Variants in SRSF12 observed in about 807,000 individuals in gnomAD.
SRSF12 encodes serine/arginine-rich splicing factor 12.
SRSF12 carries 21 observed loss-of-function variants against 34.1 expected under a neutral mutation model. The ratio of observed to expected loss-of-function variants is 0.62; its 90% confidence interval spans 0.44 to 0.89. The LOEUF is 0.89. SRSF12 is among the 40% of genes least tolerant of loss of function. The pLI is 0.00. For missense variants in SRSF12, 278 were observed against 327.8 expected, an observed-to-expected ratio of 0.85 and a Z score of 1.17; for synonymous variants, 111 against 110.8, an observed-to-expected ratio of 1.00 and a Z score of -0.01.
At chr6:89,106,456 A>G (rs1768791860) in intron 2 of SRSF12, among the ~76,000 whole-genome samples, 2 of 152,244 alleles carry the variant, frequency 1.3e-5, no homozygotes, top group African/African-American at 4.8e-5. Context: ...TATAAAAGAA[A>G]CATAAAAGCA....
chr6:89,115,647 T>TTTTTTTTTTTTC, intron 1 of SRSF12, among the ~76,000 whole-genome samples: 1 of 129,038 alleles, frequency 7.7e-6, no homozygotes, highest in South Asian at 2.5e-4. Flanking sequence ...TTTTTTTTTT[T>TTTTTTTTTTTTC]TTTTTTGAGA....
chr6:89,102,942 T>C lies in SRSF12; in HGVS notation c.416+2177A>G, dbSNP rs183356840. ...CACACGTGGCTAATTTTTTTTAGTT[T>C]TTGTAGACATGGGGGTCTCACTATG... is the stretch of plus-strand genomic sequence containing the variant. On this transcript the variant is annotated intron_variant, in intron 4 of 4. Coordinates refer to ENST00000452027, the MANE Select transcript of SRSF12 (RefSeq NM_080743.5). Among the ~76,000 whole-genome samples the C allele has an allele frequency of 1.1e-3, 171 of 152,232 alleles. 1 individual carries two copies. The highest frequency in any genetic ancestry group is 3.9e-3 in the African/African-American group (161 of 41,530).
intron 1 of SRSF12, among the ~76,000 whole-genome samples, chr6:89,111,770 T>C (rs183321705): frequency 7.2e-5 from 11 of 152,368 alleles, no homozygotes; most frequent in Admixed American, 3.9e-4. Context: ...ATGTTTTTTA[T>C]AGCTGACATT....
chr6:89,113,784 A>T (rs1769165504), intron 1 of SRSF12, among the ~76,000 whole-genome samples: 1 of 152,112 alleles, frequency 6.6e-6, no homozygotes, highest in South Asian at 2.1e-4. Flanking sequence ...GCTGAACTAC[A>T]GGTGCGCACT....
chr6:89,101,593 G>A (rs1028397331), intron 4 of SRSF12, among the ~76,000 whole-genome samples: 2 of 152,016 alleles, frequency 1.3e-5, no homozygotes, highest in Non-Finnish European at 2.9e-5. Context: ...GTGGTGGCGG[G>A]AGGCTGAGGC....
intron 4 of SRSF12, among the ~76,000 whole-genome samples, chr6:89,101,372 G>T (rs953222064): frequency 6.6e-6 from 1 of 152,138 alleles, no homozygotes. Context: ...CATAGGCAAA[G>T]AAAACTACAC....
intron 1 of SRSF12, among the ~76,000 whole-genome samples, chr6:89,115,697 C>G (rs1446356066): frequency 2.1e-5 from 3 of 145,216 alleles, no homozygotes; most frequent in African/African-American, 7.9e-5. Flanking sequence ...AGTGCAGTGG[C>G]GCGATGTTGG....
chr6:89,109,858 G>A (rs1192062499), intron 1 of SRSF12, among the ~76,000 whole-genome samples: 5 of 152,304 alleles, frequency 3.3e-5, no homozygotes, highest in South Asian at 4.1e-4. Context: ...TTGGGAGGCC[G>A]AGGTGGGCGG....
intron 4 of SRSF12, among the ~76,000 whole-genome samples, chr6:89,103,432 G>GATT (rs1768627417): frequency 1.3e-5 from 2 of 151,824 alleles, no homozygotes. Flanking sequence ...AGGTTCAAGC[G>GATT]ATTCTCCTGC....
intron 1 of SRSF12, among the ~76,000 whole-genome samples, chr6:89,111,860 A>C (rs1008564383): frequency 6.6e-6 from 1 of 152,272 alleles, no homozygotes; most frequent in East Asian, 1.9e-4. Flanking sequence ...ACAGGGTCTC[A>C]GGTCTCACTC....
In SRSF12 at chr6:89,097,754, G is replaced by C. The variant is rs910628101; in HGVS notation, c.*824C>G. On this transcript the variant is annotated 3_prime_UTR_variant, in exon 5 of 5. Coordinates refer to ENST00000452027, the MANE Select transcript of SRSF12 (RefSeq NM_080743.5). ...TCTAAAAAGAAAAAATTAAGCAACA[G>C]ATGAAAAGTAGGTATGTGGAAATAA... The C allele has an allele frequency of 1.6e-4, 24 of 152,146 alleles. No homozygotes were observed. The highest frequency in any genetic ancestry group is 5.8e-4 in the African/African-American group (24 of 41,438). 9.4% of individuals were successfully genotyped at this position (152,146 alleles called of 1,614,324 possible).
intron 4 of SRSF12, among the ~76,000 whole-genome samples, chr6:89,104,458 G>A (rs370326441): frequency 6.6e-6 from 1 of 151,382 alleles, no homozygotes; most frequent in African/African-American, 2.4e-5. Flanking sequence ...GTTTGGTCTT[G>A]AACTCCTGAC....
chr6:89,112,158 C>T (rs569765790), intron 1 of SRSF12, among the ~76,000 whole-genome samples: 65 of 152,144 alleles, frequency 4.3e-4, no homozygotes, highest in African/African-American at 1.4e-3. Context: ...TCAGGTGAAC[C>T]GCCCGCCTCG....
Position 89,096,830 on chromosome 6 carries a change from T to C in SRSF12, c.*1748A>G, listed in dbSNP as rs1768298607. 1 of 152,234 alleles carries C rather than the reference T, an allele frequency of 6.6e-6. No homozygotes were observed. The highest frequency in any genetic ancestry group is 6.5e-5 in the Admixed American group (1 of 15,284). 9.4% of individuals were successfully genotyped at this position (152,234 alleles called of 1,614,324 possible). A position where few individuals can be genotyped will look rare whatever the true frequency, so the allele number is the denominator to read the frequency against. ...TTTAAAATGATTTCACTTATGTGTA[T>C]GAACCCAAACATTCTGAAAATACTA... On this transcript the variant is annotated 3_prime_UTR_variant, in exon 5 of 5. Transcript: ENST00000452027.
At chr6:89,100,687 AGATC>A (rs1336189012) in intron 4 of SRSF12, among the ~76,000 whole-genome samples, 1 of 152,232 alleles carries the variant, frequency 6.6e-6, no homozygotes, top group African/African-American at 2.4e-5. Context: ...ACAGATAAAA[AGATC>A]GTTCAGTGGA....
intron 4 of SRSF12, among the ~76,000 whole-genome samples, chr6:89,099,274 A>T (rs1451761415): frequency 2.6e-5 from 4 of 151,896 alleles, no homozygotes; most frequent in African/African-American, 4.8e-5. Context: ...TAAAAAAATC[A>T]ATTATTTACA....
chr6:89,108,151 C>A (rs552837298), intron 1 of SRSF12, among the ~76,000 whole-genome samples: 2 of 152,206 alleles, frequency 1.3e-5, no homozygotes, highest in Admixed American at 6.5e-5. Flanking sequence ...CCTTCTAGTG[C>A]GATTAGGTGC....
Position 89,098,486 on chromosome 6 carries a change from C to A in SRSF12, c.*92G>T. On this transcript the variant is annotated 3_prime_UTR_variant, in exon 5 of 5. Transcript: ENST00000452027. ...GCCCAAAGTAACTAATATCAACTCG[C>A]ATTTTCTGTATGCCTTAAAGAATTT... 6.9e-7 allele frequency: 1 copy of A among 1,443,026 alleles called. No individual in the cohort carries two copies. Among genetic ancestry groups the A allele is most frequent in the Admixed American group, 2.5e-5 (1 of 40,382 alleles). 89.4% of individuals were successfully genotyped at this position (1,443,026 alleles called of 1,614,324 possible). A position where few individuals can be genotyped will look rare whatever the true frequency, so the allele number is the denominator to read the frequency against.
chr6:89,102,481 A>C (rs1035112145), intron 4 of SRSF12, among the ~76,000 whole-genome samples: 1 of 152,130 alleles, frequency 6.6e-6, no homozygotes, highest in African/African-American at 2.4e-5. Context: ...TTGATGTAGA[A>C]TATATTCTGG....
Sources: allele counts gnomAD v4.1 joint callset (sites outside exome capture counted in the v4.1 genomes callset), GRCh38; gene constraint gnomAD v4.1.1; transcripts MANE v1.5; gene names NCBI Gene and HGNC (gene_info 2026-07-23, HGNC 2026-07-21).